The following FBXL7 variants were observed in gnomAD, a reference collection of about 807,000 sequenced individuals.
FBXL7 encodes F-box and leucine rich repeat protein 7.
Under a neutral mutation model 38.3 loss-of-function variants are expected in FBXL7, and 12 were observed. The ratio of observed to expected loss-of-function variants is 0.31; its 90% CI spans 0.20 to 0.51. FBXL7 has a LOEUF of 0.51. Among genes scored for constraint, FBXL7 ranks in the 20% least tolerant of loss-of-function variants. The probability of loss-of-function intolerance (pLI) is 0.98; values close to 1 mark genes in which losing one functional copy is unlikely to be tolerated. For synonymous variants in FBXL7, 297 were observed against 300.9 expected (o/e 0.99, Z 0.13); for missense variants, 567 against 676.4 (o/e 0.84, Z 1.79).
chr5:15,795,630 AATG>A, intron 2 of FBXL7, among the ~76,000 whole-genome samples: 1 of 152,348 alleles, frequency 6.6e-6, no homozygotes, highest in East Asian at 1.9e-4. Context: ...TCTGCCAACT[AATG>A]ATGTGTCTGA....
At chr5:15,688,306 A>C (rs1213159664) in intron 2 of FBXL7, among the ~76,000 whole-genome samples, 1 of 152,212 alleles carries the variant, frequency 6.6e-6, no homozygotes, top group East Asian at 1.9e-4. Flanking sequence ...TCCAGTACAA[A>C]GATAAGGGTA....
chr5:15,795,314 A>G (rs1737387729), intron 2 of FBXL7, among the ~76,000 whole-genome samples: 1 of 152,186 alleles, frequency 6.6e-6, no homozygotes, highest in Admixed American at 6.5e-5. Flanking sequence ...TGTTTTCCGT[A>G]TATCATCATT....
At chr5:15,727,116 C>T (rs1235000826) in intron 2 of FBXL7, among the ~76,000 whole-genome samples, 1 of 152,128 alleles carries the variant, frequency 6.6e-6, no homozygotes, top group African/African-American at 2.4e-5. Context: ...TCCTTTATAG[C>T]TCCATCTTCA....
intron 2 of FBXL7, among the ~76,000 whole-genome samples, chr5:15,694,441 A>G (rs551058154): frequency 6.6e-5 from 10 of 152,332 alleles, no homozygotes; most frequent in Admixed American, 2.0e-4. Flanking sequence ...GGTTGAAGGT[A>G]ATGACAATGC....
intron 2 of FBXL7, among the ~76,000 whole-genome samples, chr5:15,866,243 A>T (rs1739704192): frequency 6.6e-6 from 1 of 152,230 alleles, no homozygotes; most frequent in Non-Finnish European, 1.5e-5. Context: ...TCACATGTAG[A>T]CACAGGAATG....
At chr5:15,532,441 A>G (rs781053259) in intron 1 of FBXL7, among the ~76,000 whole-genome samples, 7 of 152,256 alleles carry the variant, frequency 4.6e-5, no homozygotes, top group Admixed American at 1.3e-4. Context: ...TAAAGACCAC[A>G]TTTCTAAGAT....
intron 2 of FBXL7, among the ~76,000 whole-genome samples, chr5:15,645,747 T>C (rs1308838691): frequency 6.6e-6 from 1 of 152,246 alleles, no homozygotes; most frequent in African/African-American, 2.4e-5. Flanking sequence ...AGTATCATTG[T>C]AACTCTTCAT....
At chr5:15,538,342 G>A (rs1390144519) in intron 1 of FBXL7, among the ~76,000 whole-genome samples, 2 of 152,134 alleles carry the variant, frequency 1.3e-5, no homozygotes, top group African/African-American at 4.8e-5. Context: ...TAACTGATAC[G>A]ATACTATTCT....
At chr5:15,934,151 T>A (rs1343868576) in intron 3 of FBXL7, among the ~76,000 whole-genome samples, 1 of 152,118 alleles carries the variant, frequency 6.6e-6, no homozygotes, top group Admixed American at 6.5e-5. Context: ...ATTACAGGCA[T>A]GCACCACCAT....
At chr5:15,884,030 C>A (rs1319689618) in intron 2 of FBXL7, among the ~76,000 whole-genome samples, 1 of 152,098 alleles carries the variant, frequency 6.6e-6, no homozygotes, top group Non-Finnish European at 1.5e-5. Flanking sequence ...AACAAAATCC[C>A]ACACACTTAA....
intron 2 of FBXL7, among the ~76,000 whole-genome samples, chr5:15,744,958 G>T (rs1561109348): frequency 6.6e-6 from 1 of 151,998 alleles, no homozygotes; most frequent in African/African-American, 2.4e-5. Flanking sequence ...GAGGGTAACT[G>T]CCCCCATGAT....
At chr5:15,581,686 T>C (rs146847031) in intron 1 of FBXL7, among the ~76,000 whole-genome samples, 247 of 152,324 alleles carry the variant, frequency 1.6e-3, no homozygotes, top group African/African-American at 5.5e-3. Flanking sequence ...TTTGGTCTTA[T>C]AAGTTAGACT....
intron 2 of FBXL7, among the ~76,000 whole-genome samples, chr5:15,734,114 CAA>C (rs370211850): frequency 0.037 from 5,209 of 139,470 alleles, 109 homozygotes; most frequent in African/African-American, 0.055. Context: ...GACTGGGTCT[CAA>C]AAAAAAAAAA....
In FBXL7 at chr5:15,937,367, G is replaced by A; in HGVS notation, c.*181G>A. ...GGGCAACAGAGGCCAAAGAAACGAAGCAAGACAAACAGCAAACAGGCATTT... is the reference window on the plus strand; with the variant it reads ...GGGCAACAGAGGCCAAAGAAACGAAACAAGACAAACAGCAAACAGGCATTT... On this transcript the variant is annotated 3_prime_UTR_variant, in exon 4 of 4. Coordinates refer to ENST00000504595, the MANE Select transcript of FBXL7 (RefSeq NM_012304.5). 1.3e-6 allele frequency: 1 copy of A among 758,904 alleles called. No homozygotes were observed. Among genetic ancestry groups the A allele is most frequent in the Non-Finnish European group, 2.0e-6 (1 of 489,538 alleles). 47.0% of individuals were successfully genotyped at this position (758,904 alleles called of 1,614,324 possible).
At chr5:15,876,190 G>T (rs1439473808) in intron 2 of FBXL7, among the ~76,000 whole-genome samples, 1 of 151,896 alleles carries the variant, frequency 6.6e-6, no homozygotes, top group Non-Finnish European at 1.5e-5. Context: ...ATAAGTGGGA[G>T]TTGAACAATG....
At chr5:15,579,628 G>T (rs192211208) in intron 1 of FBXL7, among the ~76,000 whole-genome samples, 1 of 152,250 alleles carries the variant, frequency 6.6e-6, no homozygotes, top group Non-Finnish European at 1.5e-5. Context: ...AACCTTAAAA[G>T]TTAGTGACTT....
At chr5:15,593,833 T>C (rs1474197928) in intron 1 of FBXL7, among the ~76,000 whole-genome samples, 1 of 152,152 alleles carries the variant, frequency 6.6e-6, no homozygotes, top group Admixed American at 6.5e-5. Flanking sequence ...AGAGAAAAAT[T>C]CAGTGTATGT....
chr5:15,559,515 G>GC (rs965942655), intron 1 of FBXL7, among the ~76,000 whole-genome samples: 43 of 152,230 alleles, frequency 2.8e-4, no homozygotes, highest in African/African-American at 1.0e-3. Flanking sequence ...GACGTGACTT[G>GC]CCCCGAGTAT....
rs1027289232 is a variant in FBXL7, at chr5:15,937,814, C to T, written c.*628C>T. Reference sequence around the variant, plus strand: ...CCCCCAGCTCTGTCAATGACTATGACCTTGGCCAAAGCACTTCACTGCTCT... The same window carrying T: ...CCCCCAGCTCTGTCAATGACTATGATCTTGGCCAAAGCACTTCACTGCTCT... On this transcript the variant is annotated 3_prime_UTR_variant, in exon 4 of 4. Coordinates refer to ENST00000504595, the MANE Select transcript of FBXL7 (RefSeq NM_012304.5). The T allele has an allele frequency of 6.6e-6, 1 of 152,464 alleles. No individual in the cohort carries two copies. Among genetic ancestry groups the T allele is most frequent in the African/African-American group, 2.4e-5 (1 of 41,440 alleles). The allele number at this position is 152,464 out of a possible 1,614,324, so 9.4% of individuals were successfully genotyped here.
Sources: gnomAD v4.1 joint callset for allele counts (sites outside exome capture counted in the v4.1 genomes callset) on GRCh38, gnomAD v4.1.1 for gene constraint, MANE v1.5 for transcripts, NCBI Gene and HGNC (gene_info 2026-07-23, HGNC 2026-07-21) for gene names.